Variants in PPP2R2C observed in about 807,000 individuals in gnomAD.
PPP2R2C encodes protein phosphatase 2, regulatory subunit B, gamma.
PPP2R2C carries 10 observed loss-of-function variants against 45.3 expected under a neutral mutation model. That is an observed-to-expected ratio of 0.22 (90% CI 0.14 to 0.37). The LOEUF (loss-of-function observed/expected upper bound fraction) is 0.37. PPP2R2C is among the 10% of genes least tolerant of loss of function. PPP2R2C has a pLI of 1.00. For synonymous variants in PPP2R2C, 257 were observed against 245.4 expected (o/e 1.05, Z -0.44); for missense variants, 308 against 619.7 (o/e 0.50, Z 5.34).
At chr4:6,467,594 C>T (rs1156729811) in intron 1 of PPP2R2C, among the ~76,000 whole-genome samples, 2 of 152,112 alleles carry the variant, frequency 1.3e-5, no homozygotes, top group Non-Finnish European at 2.9e-5. Context: ...AGAAAGCAAA[C>T]AAAAATCCCT....
intron 6 of PPP2R2C, among the ~76,000 whole-genome samples, chr4:6,334,810 T>C (rs1028816102): frequency 2.0e-5 from 3 of 152,200 alleles, no homozygotes; most frequent in African/African-American, 7.2e-5. Context: ...CTCTGGTCTC[T>C]ACCCCAGAAA....
chr4:6,425,566 G>T (rs918586825), intron 1 of PPP2R2C, among the ~76,000 whole-genome samples: 1 of 152,220 alleles, frequency 6.6e-6, no homozygotes, highest in South Asian at 2.1e-4. Flanking sequence ...CCCCCATGAC[G>T]TGTGAACCTG....
intron 1 of PPP2R2C, among the ~76,000 whole-genome samples, chr4:6,391,085 G>C (rs1716598761): frequency 6.6e-6 from 1 of 152,058 alleles, no homozygotes. Flanking sequence ...AGTATTTTTG[G>C]GGGGTGTCAG....
In PPP2R2C at chr4:6,378,431, C is replaced by T. The variant is rs779671991; in HGVS notation, c.310G>A (p.Ala104Thr). The T allele has an allele frequency of 1.6e-5, 26 of 1,614,034 alleles. No homozygotes were observed. The highest frequency in any genetic ancestry group is 5.0e-5 in the Admixed American group (3 of 59,998). Residue 104 changes from alanine (A) to threonine (T), a missense_variant, in exon 3 of 9, where the codon GCC becomes ACC. By Grantham distance (58) the Ala-to-Thr change is moderately conservative (BLOSUM62 0). Coordinates refer to ENST00000382599, the MANE Select transcript of PPP2R2C (RefSeq NM_020416.4). The surrounding 1 kb of genome is among the most constrained non-coding windows in gnomAD (Gnocchi z 5.2). ...CCGTTGGTGGACAGGAGTGAGTGGG[C>T]GGCGTTCTGCTGTGGGAGCCACTTG... Reference protein sequence around the residue: ...KIKWLPQQNAAHSLLSTNDKT... With the variant: ...KIKWLPQQNATHSLLSTNDKT...
chr4:6,512,191 G>A (rs796364422), intron 2 of PPP2R2C, among the ~76,000 whole-genome samples: 4 of 72,062 alleles, frequency 5.6e-5, no homozygotes, highest in Non-Finnish European at 1.1e-4. Flanking sequence ...GGTGGTGGTG[G>A]TGGTGGTGAT....
At position 6,497,693 on chromosome 4, in the gene PPP2R2C, G is replaced by A. The variant is rs556944252; in HGVS notation, c.49+37578C>T. 7.2e-5 allele frequency among the ~76,000 whole-genome samples: 11 copies of A among 152,242 alleles called. No homozygotes were observed. In the East Asian group the frequency reaches 1.7e-3, roughly 24 times the overall value. On this transcript the variant is annotated intron_variant, in intron 2 of 9. Transcript: ENST00000506140. ...TGCTACATTAAAATCATCATAAAGC[G>A]AAAAGACAAGCTACATGCAGGGAGA...
chr4:6,550,140 G>C (rs1227425240), intron 1 of PPP2R2C, among the ~76,000 whole-genome samples: 1 of 152,084 alleles, frequency 6.6e-6, no homozygotes, highest in Admixed American at 6.5e-5. Context: ...GCATGACCTT[G>C]AGTGAGTCAC....
rs533311723 is a variant in PPP2R2C at position 6,509,256 on chromosome 4, G to A, written c.49+26015C>T. On this transcript the variant is annotated intron_variant, in intron 2 of 9. Coordinates refer to the PPP2R2C transcript ENST00000506140. Reference sequence around the variant, plus strand: ...TGAAACACTCCAGCTTGAAAACAAAGGAGGAAATCTGAAAGCCTTGCCTGG... The same window carrying A: ...TGAAACACTCCAGCTTGAAAACAAAAGAGGAAATCTGAAAGCCTTGCCTGG... Among the ~76,000 whole-genome samples, 19 of 152,324 alleles carry A rather than the reference G, an allele frequency of 1.2e-4. No individual in the cohort carries two copies. In the South Asian group the frequency reaches 2.5e-3, roughly 20 times the overall value.
At chr4:6,503,961 C>A (rs1432326210) in intron 2 of PPP2R2C, among the ~76,000 whole-genome samples, 1 of 152,188 alleles carries the variant, frequency 6.6e-6, no homozygotes, top group African/African-American at 2.4e-5. Flanking sequence ...CAGGTGGGTA[C>A]TGGAGGGGCC....
chr4:6,417,357 C>T (rs542066583), intron 1 of PPP2R2C, among the ~76,000 whole-genome samples: 40 of 152,362 alleles, frequency 2.6e-4, no homozygotes, highest in African/African-American at 9.6e-4. Context: ...ATGACCATTA[C>T]CCTTGTTCCA....
chr4:6,446,452 C>T (rs1190823107), intron 1 of PPP2R2C, among the ~76,000 whole-genome samples: 1 of 152,136 alleles, frequency 6.6e-6, no homozygotes, highest in East Asian at 1.9e-4. Context: ...CGGATCCTTG[C>T]AAAGATCACG....
At chr4:6,526,605 C>A (rs887090419) in intron 2 of PPP2R2C, among the ~76,000 whole-genome samples, 2 of 152,028 alleles carry the variant, frequency 1.3e-5, no homozygotes, top group Admixed American at 1.3e-4. Flanking sequence ...GAGCGCAGTG[C>A]CTGCCTGGCC....
At chr4:6,544,776 C>G (rs1235322510) in intron 1 of PPP2R2C, among the ~76,000 whole-genome samples, 1 of 152,216 alleles carries the variant, frequency 6.6e-6, no homozygotes, top group Non-Finnish European at 1.5e-5. Context: ...TCCCTGTGCT[C>G]TGCAACTGTG....
chr4:6,563,004 C>T lies in PPP2R2C; in HGVS notation c.-59+556G>A, dbSNP rs192081766. ...GGCTTCTCCAAACCAGAGCAGCAGCCGGGCCTGACTCAGCACCCACCGGCG... is the reference window on the plus strand; with the variant it reads ...GGCTTCTCCAAACCAGAGCAGCAGCTGGGCCTGACTCAGCACCCACCGGCG... On this transcript the variant is annotated intron_variant, in intron 1 of 9. Coordinates refer to the PPP2R2C transcript ENST00000506140. The surrounding 1 kb of genome is among the most constrained non-coding windows in gnomAD (Gnocchi z 5.8). Among the ~76,000 whole-genome samples the T allele has an allele frequency of 1.8e-4, 27 of 152,004 alleles. No homozygotes were observed. Among genetic ancestry groups the T allele is most frequent in the Admixed American group, 1.0e-3 (16 of 15,292 alleles).
At position 6,324,246 on chromosome 4, in the gene PPP2R2C, A is replaced by G. The variant is rs750316649; in HGVS notation, c.1053-653T>C. 6.6e-6 allele frequency among the ~76,000 whole-genome samples: 1 copy of G among 152,142 alleles called. No homozygotes were observed. The highest frequency in any genetic ancestry group is 1.5e-5 in the Non-Finnish European group (1 of 68,016). On this transcript the variant is annotated intron_variant, in intron 8 of 8. Coordinates refer to ENST00000382599, the MANE Select transcript of PPP2R2C (RefSeq NM_020416.4). This position sits in a 1 kb window ranked among gnomAD's most constrained non-coding sequence, Gnocchi z 4.1. ...TAGGAGTTTGAGACCAGCCTGGCCA[A>G]CATGATGAAACCCTGTCTCTACTAA...
chr4:6,335,672 T>G (rs1732790961), intron 6 of PPP2R2C, among the ~76,000 whole-genome samples: 1 of 148,360 alleles, frequency 6.7e-6, no homozygotes, highest in Admixed American at 6.8e-5. Flanking sequence ...CAGCACCCGG[T>G]GGGCCAGGGC....
rs536909537 is a variant in PPP2R2C at position 6,330,739 on chromosome 4, G to A, written c.961-1386C>T. Among the ~76,000 whole-genome samples, 2 of 152,116 alleles carry A rather than the reference G, an allele frequency of 1.3e-5. No homozygotes were observed. Among genetic ancestry groups the A allele is most frequent in the Non-Finnish European group, 2.9e-5 (2 of 68,018 alleles). ...CTCTGAGCCATCTGACTAATATGGT[G>A]GCAAGGACTACACAGGAAAACAGAG... On this transcript the variant is annotated intron_variant, in intron 7 of 8. Coordinates refer to ENST00000382599, the MANE Select transcript of PPP2R2C (RefSeq NM_020416.4). The surrounding 1 kb of genome is among the most constrained non-coding windows in gnomAD (Gnocchi z 7.0).
At chr4:6,366,492 C>T (rs80294370) in intron 5 of PPP2R2C, among the ~76,000 whole-genome samples, 4,316 of 152,334 alleles carry the variant, frequency 0.028, 191 homozygotes, top group African/African-American at 0.098. Flanking sequence ...AGAGGCCTCA[C>T]CCTGGGTTCC....
At chr4:6,342,427 T>G (rs1733523919) in intron 6 of PPP2R2C, among the ~76,000 whole-genome samples, 1 of 152,136 alleles carries the variant, frequency 6.6e-6, no homozygotes, top group Non-Finnish European at 1.5e-5. Flanking sequence ...CCATCATAGG[T>G]GCTGAGTATT....
Sources: allele counts gnomAD v4.1 joint callset (sites outside exome capture counted in the v4.1 genomes callset), GRCh38; gene constraint gnomAD v4.1.1; non-coding constraint Gnocchi (gnomAD v3.1); transcripts MANE v1.5; gene names NCBI Gene and HGNC (gene_info 2026-07-23, HGNC 2026-07-21).